ITGA9: variants seen among roughly 807,000 people sequenced by gnomAD.
The protein encoded by ITGA9 is integrin subunit alpha 9.
Under a neutral mutation model 127.8 loss-of-function variants are expected in ITGA9, and 56 were observed. The observed-to-expected ratio is 0.44, with a 90% CI of 0.35 to 0.55. The LOEUF (loss-of-function observed/expected upper bound fraction) is 0.55. ITGA9 is among the 20% of genes least tolerant of loss of function. The probability of loss-of-function intolerance (pLI) is 0.00; values close to 1 mark genes in which losing one functional copy is unlikely to be tolerated. For missense variants in ITGA9, 1,196 were observed against 1,347.1 expected, an observed-to-expected ratio of 0.89 and a Z score of 1.76; for synonymous variants, 508 against 514.5, an observed-to-expected ratio of 0.99 and a Z score of 0.17.
At chr3:37,569,939 C>T (rs1699584645) in intron 15 of ITGA9, among the ~76,000 whole-genome samples, 1 of 152,222 alleles carries the variant, frequency 6.6e-6, no homozygotes, top group Non-Finnish European at 1.5e-5. Flanking sequence ...CCTTATATTT[C>T]AATTAAGGGA....
At chr3:37,485,788 T>A (rs1698604023) in intron 4 of ITGA9, among the ~76,000 whole-genome samples, 2 of 152,202 alleles carry the variant, frequency 1.3e-5, no homozygotes, top group Non-Finnish European at 2.9e-5. Context: ...GAATATCCTG[T>A]TGGAACCAGG....
intron 5 of ITGA9, among the ~76,000 whole-genome samples, chr3:37,502,963 A>G (rs1463755458): frequency 1.3e-5 from 2 of 152,202 alleles, no homozygotes. Flanking sequence ...CACCTTGCTC[A>G]GTCTCTTCAC....
At chr3:37,667,956 T>C (rs1700601197) in intron 17 of ITGA9, among the ~76,000 whole-genome samples, 1 of 152,184 alleles carries the variant, frequency 6.6e-6, no homozygotes. Context: ...TTCCTCCTAT[T>C]GCAGAAAGCA....
At chr3:37,736,711 T>C (rs1411632096) in intron 19 of ITGA9, among the ~76,000 whole-genome samples, 193 bp from the exon 20 acceptor site, 2 of 152,218 alleles carry the variant, frequency 1.3e-5, no homozygotes, top group Non-Finnish European at 2.9e-5. Flanking sequence ...AGCAGGTCTC[T>C]GGCCAGAGTA....
At chr3:37,649,516 A>G (rs921155345) in intron 16 of ITGA9, among the ~76,000 whole-genome samples, 2 of 150,626 alleles carry the variant, frequency 1.3e-5, no homozygotes, top group Non-Finnish European at 3.0e-5. Flanking sequence ...TCAATTCAAC[A>G]GGAAGACATA....
chr3:37,648,944 T>C (rs183245943), intron 16 of ITGA9, among the ~76,000 whole-genome samples: 2 of 152,022 alleles, frequency 1.3e-5, no homozygotes, highest in Admixed American at 1.3e-4. Context: ...ATCAATAGCA[T>C]GTAACTTGGG....
chr3:37,782,647 C>T (rs1185741644), intron 25 of ITGA9, among the ~76,000 whole-genome samples: 1 of 152,228 alleles, frequency 6.6e-6, no homozygotes, highest in Non-Finnish European at 1.5e-5. Context: ...CAGCTACAGC[C>T]TCCCTTGGGG....
intron 13 of ITGA9, among the ~76,000 whole-genome samples, chr3:37,526,720 A>C (rs1699097086): frequency 6.6e-6 from 1 of 152,264 alleles, no homozygotes; most frequent in African/African-American, 2.4e-5. Context: ...GCAGAATTAC[A>C]CTTTGGAGTG....
chr3:37,496,873 A>G (rs1031859143), intron 5 of ITGA9, among the ~76,000 whole-genome samples: 2 of 152,190 alleles, frequency 1.3e-5, no homozygotes, highest in Non-Finnish European at 2.9e-5. Context: ...AGAGACACTA[A>G]TGGAGGAACT....
intron 21 of ITGA9, 115 bp from the exon 22 acceptor site, chr3:37,743,811 A>T: frequency 1.3e-6 from 1 of 780,006 alleles, no homozygotes; most frequent in South Asian, 1.4e-5. Flanking sequence ...GCAGGGAAGC[A>T]CTGGGTGCAA....
chr3:37,694,149 G>A (rs1443580819), intron 18 of ITGA9, among the ~76,000 whole-genome samples: 2 of 152,132 alleles, frequency 1.3e-5, no homozygotes, highest in Admixed American at 6.5e-5. Context: ...AAGCCCACTC[G>A]AGGCTCTAAC....
chr3:37,811,769 A>G (rs890210394), intron 27 of ITGA9, among the ~76,000 whole-genome samples: 2 of 152,204 alleles, frequency 1.3e-5, no homozygotes, highest in African/African-American at 4.8e-5. Context: ...CCCTATGGCC[A>G]TGTCTTCCCA....
intron 13 of ITGA9, 58 bp downstream of exon 13, chr3:37,526,129 A>G (rs1175233742): frequency 1.4e-6 from 2 of 1,419,576 alleles, no homozygotes; most frequent in African/African-American, 2.8e-5. Context: ...GGATGGAGCC[A>G]TTCACCATTC....
At chr3:37,575,301 C>T (rs962781575) in intron 15 of ITGA9, among the ~76,000 whole-genome samples, 5 of 152,150 alleles carry the variant, frequency 3.3e-5, no homozygotes, top group Admixed American at 6.5e-5. Flanking sequence ...TGACCTTCAG[C>T]GGGCATTTAA....
intron 18 of ITGA9, among the ~76,000 whole-genome samples, chr3:37,689,432 A>G (rs1700810666): frequency 6.6e-6 from 1 of 152,210 alleles, no homozygotes; most frequent in South Asian, 2.1e-4. Context: ...TGTGCTGTCC[A>G]GCCAGAGCAC....
chr3:37,557,422 C>T (rs957877890), intron 15 of ITGA9, among the ~76,000 whole-genome samples: 3 of 152,182 alleles, frequency 2.0e-5, no homozygotes, highest in Admixed American at 6.5e-5. Flanking sequence ...TAGGGAAGCG[C>T]CCAGGCTGAG....
intron 18 of ITGA9, among the ~76,000 whole-genome samples, chr3:37,706,531 C>T (rs1462658393): frequency 1.3e-5 from 2 of 152,134 alleles, no homozygotes; most frequent in Non-Finnish European, 2.9e-5. Context: ...TTTTGAGAAG[C>T]ATATAGAAAG....
chr3:37,621,362 T>A (rs1437571163), intron 15 of ITGA9, among the ~76,000 whole-genome samples: 1 of 152,202 alleles, frequency 6.6e-6, no homozygotes, highest in African/African-American at 2.4e-5. Context: ...TCCAGAGAAT[T>A]AACAAAATGT....
chr3:37,785,660 G>C (rs1020652142), intron 26 of ITGA9, among the ~76,000 whole-genome samples: 1 of 151,910 alleles, frequency 6.6e-6, no homozygotes, highest in African/African-American at 2.4e-5. Flanking sequence ...AAATTTTTTT[G>C]TCGGGATAGG....
Sources: gnomAD v4.1 joint callset for allele counts (sites outside exome capture counted in the v4.1 genomes callset) on GRCh38, gnomAD v4.1.1 for gene constraint, MANE v1.5 for transcripts, NCBI Gene and HGNC (gene_info 2026-07-23, HGNC 2026-07-21) for gene names.